Variants in TTLL5 observed in about 807,000 individuals in gnomAD.
The protein encoded by TTLL5 is tubulin tyrosine ligase like 5.
TTLL5 carries 132 observed loss-of-function variants against 168.4 expected under a neutral mutation model. That is an observed-to-expected ratio of 0.78 (90% CI 0.68 to 0.91). The LOEUF is 0.91. TTLL5 is among the 40% of genes least tolerant of loss of function. The pLI is 0.00. For synonymous variants in TTLL5, 546 were observed against 558.6 expected, an observed-to-expected ratio of 0.98 and a Z score of 0.32; for missense variants, 1,545 against 1,581.5, an observed-to-expected ratio of 0.98 and a Z score of 0.39.
intron 12 of TTLL5, among the ~76,000 whole-genome samples, chr14:75,721,322 C>T (rs1887821978): frequency 6.6e-6 from 1 of 152,136 alleles, no homozygotes; most frequent in Non-Finnish European, 1.5e-5. Flanking sequence ...AATGGTAGCA[C>T]TGAGGGTGCC....
intron 18 of TTLL5, among the ~76,000 whole-genome samples, chr14:75,756,664 C>T (rs1890281776): frequency 6.6e-6 from 1 of 151,934 alleles, no homozygotes; most frequent in East Asian, 1.9e-4. Flanking sequence ...CATGACACCA[C>T]ACCTGGCTAA....
intron 18 of TTLL5, among the ~76,000 whole-genome samples, chr14:75,757,600 A>G (rs1890360231): frequency 6.6e-6 from 1 of 152,200 alleles, no homozygotes; most frequent in Non-Finnish European, 1.5e-5. Context: ...ATTTTTCTCT[A>G]TAATTTGTCC....
chr14:75,915,503 GA>G (rs1052942204), intron 31 of TTLL5, among the ~76,000 whole-genome samples: 3 of 152,180 alleles, frequency 2.0e-5, no homozygotes, highest in African/African-American at 7.2e-5. Context: ...TCATAACTGT[GA>G]AGTTAGACTG....
intron 23 of TTLL5, 78 bp from the exon 24 acceptor site, chr14:75,779,497 T>A: frequency 6.3e-7 from 1 of 1,575,568 alleles, no homozygotes; most frequent in South Asian, 1.2e-5. Flanking sequence ...CAGCTTGCTC[T>A]GTTTTCATAA....
chr14:75,953,873 A>AC (rs2035033235), intron 31 of TTLL5, among the ~76,000 whole-genome samples: 2 of 152,136 alleles, frequency 1.3e-5, no homozygotes, highest in African/African-American at 4.8e-5. Context: ...CAAGAAAAAA[A>AC]AGGAAAGAGA....
intron 31 of TTLL5, among the ~76,000 whole-genome samples, chr14:75,940,853 G>A (rs1406424721): frequency 3.3e-5 from 5 of 152,180 alleles, no homozygotes; most frequent in Non-Finnish European, 1.5e-5. Flanking sequence ...AGGTTTGTGA[G>A]ACTTAAGTAT....
chr14:75,885,417 G>A (rs1445600837), intron 30 of TTLL5, among the ~76,000 whole-genome samples: 9 of 151,962 alleles, frequency 5.9e-5, no homozygotes, highest in South Asian at 2.1e-4. Context: ...GTGTGAACCC[G>A]GGAGGCAGAG....
intron 28 of TTLL5, among the ~76,000 whole-genome samples, chr14:75,852,296 C>T (rs2139894639): frequency 6.6e-6 from 1 of 152,324 alleles, no homozygotes; most frequent in African/African-American, 2.4e-5. Flanking sequence ...GATTCCTTCC[C>T]AGCACCCAAA....
chr14:75,724,621 G>C (rs1028645580), intron 12 of TTLL5, among the ~76,000 whole-genome samples: 1 of 152,184 alleles, frequency 6.6e-6, no homozygotes, highest in Non-Finnish European at 1.5e-5. Context: ...GAGTTAGTGA[G>C]TGAAATAACT....
intron 31 of TTLL5, among the ~76,000 whole-genome samples, chr14:75,914,033 A>AAAAAAAAAAAAATATATATATAT: frequency 6.2e-4 from 44 of 71,040 alleles, no homozygotes; most frequent in African/African-American, 1.9e-3. Context: ...AAAAAAAAAA[A>AAAAAAAAAAAAATATATATATAT]ATATATATAT....
chr14:75,800,339 C>G (rs1012832283), intron 27 of TTLL5, among the ~76,000 whole-genome samples: 2 of 151,966 alleles, frequency 1.3e-5, no homozygotes, highest in African/African-American at 2.4e-5. Flanking sequence ...TATCGATGCT[C>G]TCTATTTCCC....
At chr14:75,702,614 A>G (rs1886354225) in intron 7 of TTLL5, among the ~76,000 whole-genome samples, 1 of 151,974 alleles carries the variant, frequency 6.6e-6, no homozygotes, top group Non-Finnish European at 1.5e-5. Flanking sequence ...GGAGCCGAGA[A>G]CCCTGCGCCC....
intron 9 of TTLL5, among the ~76,000 whole-genome samples, chr14:75,714,376 C>T (rs1887290636): frequency 6.6e-6 from 1 of 152,030 alleles, no homozygotes; most frequent in Non-Finnish European, 1.5e-5. Flanking sequence ...AAATTTCATT[C>T]TTCATCTCAT....
chr14:75,673,812 C>A (rs1328052014), intron 3 of TTLL5, among the ~76,000 whole-genome samples: 1 of 152,170 alleles, frequency 6.6e-6, no homozygotes, highest in African/African-American at 2.4e-5. Context: ...CCCCAAGGAT[C>A]CTTGTGTTCT....
intron 2 of TTLL5, among the ~76,000 whole-genome samples, chr14:75,667,844 T>C (rs550849239): frequency 7.3e-6 from 1 of 137,084 alleles, no homozygotes; most frequent in African/African-American, 2.6e-5. Context: ...CACTGCAACC[T>C]CCGCCTCCCA....
chr14:75,899,138 G>A (rs1300061907), intron 30 of TTLL5, among the ~76,000 whole-genome samples: 1 of 152,206 alleles, frequency 6.6e-6, no homozygotes, highest in African/African-American at 2.4e-5. Context: ...ACCAGTCACT[G>A]CTTAGATGTG....
rs1013141116 is a variant in TTLL5, at chr14:75,807,533, C to A, written c.3172-12474C>A. ...TGCTTACTTTGTACTAGGCACTGTG[C>A]CAAGGACTTTATATGCATTATCTCT... On this transcript the variant is annotated intron_variant, in intron 27 of 31. Transcript: ENST00000298832. Among the ~76,000 whole-genome samples the A allele has an allele frequency of 3.3e-5, 5 of 152,198 alleles. No homozygotes were observed. In the South Asian group the frequency reaches 8.3e-4, roughly 25 times the overall value.
chr14:75,752,492 A>G (rs532939407), intron 17 of TTLL5, among the ~76,000 whole-genome samples: 4 of 152,354 alleles, frequency 2.6e-5, no homozygotes, highest in Non-Finnish European at 5.9e-5. Context: ...TGATTGAAAC[A>G]GTCTCTTATC....
At chr14:75,954,273 AAAGAG>A in intron 31 of TTLL5, 146 bp from the exon 32 acceptor site, 1 of 678,784 alleles carries the variant, frequency 1.5e-6, no homozygotes, top group East Asian at 2.8e-5. Context: ...AAAAAAAAAA[AAAGAG>A]CTTTCCACTT....
Sources: gnomAD v4.1 joint callset for allele counts (sites outside exome capture counted in the v4.1 genomes callset) on GRCh38, gnomAD v4.1.1 for gene constraint, MANE v1.5 for transcripts, NCBI Gene and HGNC (gene_info 2026-07-23, HGNC 2026-07-21) for gene names.